SGTB: variants seen among roughly 807,000 people sequenced by gnomAD.
SGTB encodes small glutamine rich tetratricopeptide repeat co-chaperone beta.
Under a neutral mutation model 43.9 loss-of-function variants are expected in SGTB, and 19 were observed. That is an observed-to-expected ratio of 0.43 (90% CI 0.30 to 0.63). The LOEUF is 0.63. Among genes scored for constraint, SGTB ranks in the 30% least tolerant of loss-of-function variants. The probability of loss-of-function intolerance (pLI) is 0.12; values close to 1 mark genes in which losing one functional copy is unlikely to be tolerated. For synonymous variants in SGTB, 116 were observed against 117.3 expected (o/e 0.99, Z 0.07); for missense variants, 304 against 358.9 (o/e 0.85, Z 1.24).
chr5:65,669,886 A>G lies in SGTB; in HGVS notation c.*360T>C, dbSNP rs140136058. ...ACTTTGCTTAAGGGAAATTGGAGCTAAAGAGCTTACCAACAAATAGCCCTA... is the reference window on the plus strand; with the variant it reads ...ACTTTGCTTAAGGGAAATTGGAGCTGAAGAGCTTACCAACAAATAGCCCTA... On this transcript the variant is annotated 3_prime_UTR_variant, in exon 11 of 11. Transcript: ENST00000381007. 4.1e-4 allele frequency: 67 copies of G among 163,386 alleles called. No homozygotes were observed. In the East Asian group the frequency reaches 8.1e-3, roughly 20 times the overall value. The allele number at this position is 163,386 out of a possible 1,614,324, so 10.1% of individuals were successfully genotyped here. A position where few individuals can be genotyped will look rare whatever the true frequency, so the allele number is the denominator to read the frequency against.
chr5:65,713,849 G>A (rs939677597), intron 2 of SGTB, among the ~76,000 whole-genome samples: 5 of 151,992 alleles, frequency 3.3e-5, no homozygotes, highest in Admixed American at 6.6e-5. Flanking sequence ...GTAACATGGC[G>A]AAACCCCATC....
At chr5:65,686,397 C>T (rs1757498875) in intron 5 of SGTB, among the ~76,000 whole-genome samples, 2 of 152,192 alleles carry the variant, frequency 1.3e-5, no homozygotes, top group African/African-American at 4.8e-5. Context: ...TCATGTTCTT[C>T]AGTCTACAGA....
rs532304293 is a variant in SGTB, at chr5:65,672,280, G to A, written c.683C>T (p.Ala228Val). Residue 228 changes from alanine (A) to valine (V), a missense_variant and splice_region_variant, in exon 9 of 11, where the codon GCG becomes GTG. Transcript: ENST00000381007. Reference sequence around the variant, plus strand: ...TTGAGGGTTCTGCATTAAACTTGCCGCCTGGAATTGAAAAACAGCACCTCC... The same window carrying A: ...TTGAGGGTTCTGCATTAAACTTGCCACCTGGAATTGAAAAACAGCACCTCC... ...LINNPAFISMAASLMQNPQVQ... is the reference protein window; with the variant it reads ...LINNPAFISMVASLMQNPQVQ... 138 of 1,613,996 alleles carry A rather than the reference G, an allele frequency of 8.6e-5. No homozygotes were observed. The highest frequency in any genetic ancestry group is 1.3e-4 in the South Asian group (12 of 91,076).
At chr5:65,676,639 C>A (rs1289037045) in intron 8 of SGTB, among the ~76,000 whole-genome samples, 1 of 152,012 alleles carries the variant, frequency 6.6e-6, no homozygotes, top group Non-Finnish European at 1.5e-5. Flanking sequence ...TTCTTCTCAT[C>A]ACCACATGGC....
chr5:65,670,537 A>T (rs1757135222), intron 10 of SGTB, among the ~76,000 whole-genome samples, 180 bp from the exon 11 acceptor site: 1 of 152,234 alleles, frequency 6.6e-6, no homozygotes, highest in Non-Finnish European at 1.5e-5. Context: ...CATTATTACA[A>T]TGCAGTGTTC....
intron 2 of SGTB, among the ~76,000 whole-genome samples, chr5:65,713,778 A>T (rs1758093121): frequency 6.6e-6 from 1 of 152,200 alleles, no homozygotes; most frequent in East Asian, 1.9e-4. Flanking sequence ...CTGTAATCCC[A>T]GCAGTTTGGG....
chr5:65,703,517 C>A (rs780801999), intron 5 of SGTB, among the ~76,000 whole-genome samples: 2 of 151,674 alleles, frequency 1.3e-5, no homozygotes, highest in South Asian at 4.2e-4. Context: ...ACCAGCCTGG[C>A]CAACTTGAAC....
At chr5:65,709,103 C>T (rs1018573503) in intron 3 of SGTB, among the ~76,000 whole-genome samples, 16 of 151,576 alleles carry the variant, frequency 1.1e-4, no homozygotes, top group Admixed American at 4.6e-4. Context: ...GTGCATTTCC[C>T]ATACCTGGCA....
At chr5:65,691,511 G>A (rs955746959) in intron 5 of SGTB, among the ~76,000 whole-genome samples, 3 of 151,806 alleles carry the variant, frequency 2.0e-5, no homozygotes, top group Non-Finnish European at 4.4e-5. Flanking sequence ...ATTTTTAGTA[G>A]AGACAGGTGT....
Position 65,668,266 on chromosome 5 carries a change from A to G in SGTB, c.*1980T>C. On this transcript the variant is annotated 3_prime_UTR_variant, in exon 11 of 11. Transcript: ENST00000381007. ...CAGCGCCCGGCCAATTAGTCTTTTG[A>G]TAAGGGTTCTATAAGGCCTAATCAT... 1 of 151,294 alleles carries G rather than the reference A, an allele frequency of 6.6e-6. No homozygotes were observed. The highest frequency in any genetic ancestry group is 1.5e-5 in the Non-Finnish European group (1 of 67,982). The allele number at this position is 151,294 out of a possible 1,614,324, so 9.4% of individuals were successfully genotyped here.
At chr5:65,704,459 G>A (rs1301336494) in intron 4 of SGTB, 81 bp from the exon 5 acceptor site, 2 of 1,033,038 alleles carry the variant, frequency 1.9e-6, no homozygotes, top group African/African-American at 3.3e-5. Flanking sequence ...TTTAATCGTG[G>A]AAACTATAAT....
chr5:65,684,022 G>A (rs1339489800), intron 6 of SGTB, among the ~76,000 whole-genome samples: 7 of 151,994 alleles, frequency 4.6e-5, no homozygotes, highest in Non-Finnish European at 7.4e-5. Flanking sequence ...AGAGAACGAG[G>A]AACTGAGAAG....
chr5:65,716,859 A>G (rs1157430758), intron 2 of SGTB, among the ~76,000 whole-genome samples: 1 of 152,162 alleles, frequency 6.6e-6, no homozygotes, highest in Admixed American at 6.5e-5. Context: ...AAGAAGCCGA[A>G]TGATATCACC....
chr5:65,720,304 A>G (rs903011850), intron 2 of SGTB, among the ~76,000 whole-genome samples: 2 of 150,928 alleles, frequency 1.3e-5, no homozygotes, highest in African/African-American at 4.9e-5. Context: ...CTGGTCTTGA[A>G]CTCCTGACCT....
At chr5:65,709,654 G>C (rs1244969216) in intron 3 of SGTB, among the ~76,000 whole-genome samples, 1 of 152,214 alleles carries the variant, frequency 6.6e-6, no homozygotes, top group African/African-American at 2.4e-5. Context: ...TGGGATTACA[G>C]GCATGAGCCA....
At chr5:65,682,754 T>C (rs1203004846) in intron 6 of SGTB, among the ~76,000 whole-genome samples, 3 of 152,174 alleles carry the variant, frequency 2.0e-5, no homozygotes, top group Non-Finnish European at 2.9e-5. Flanking sequence ...CATCCAAACA[T>C]AGAGTTGAAG....
intron 8 of SGTB, 25 bp from the exon 9 acceptor site, chr5:65,672,306 C>A: frequency 6.2e-7 from 1 of 1,612,910 alleles, no homozygotes; most frequent in South Asian, 1.1e-5. Context: ...CAGCACCTCC[C>A]ATTAAAGGCA....
intron 6 of SGTB, among the ~76,000 whole-genome samples, chr5:65,681,420 G>A (rs949029133): frequency 6.6e-6 from 1 of 152,108 alleles, no homozygotes; most frequent in Non-Finnish European, 1.5e-5. Context: ...TTTACTTATT[G>A]AAAAATTATT....
chr5:65,671,850 A>C, intron 10 of SGTB, 65 bp downstream of exon 10: 2 of 1,444,202 alleles, frequency 1.4e-6, no homozygotes, highest in South Asian at 2.4e-5. Flanking sequence ...CTGACCCCTC[A>C]CCATAGAGAT....
Sources: allele counts gnomAD v4.1 joint callset (sites outside exome capture counted in the v4.1 genomes callset), GRCh38; gene constraint gnomAD v4.1.1; transcripts MANE v1.5; gene names NCBI Gene and HGNC (gene_info 2026-07-23, HGNC 2026-07-21).